ITCH: variants seen among roughly 807,000 people sequenced by gnomAD.
The protein encoded by ITCH is E3 ubiquitin-protein ligase Itchy homolog.
Under a neutral mutation model 126.8 loss-of-function variants are expected in ITCH, and 28 were observed. That is an observed-to-expected ratio of 0.22 (90% CI 0.16 to 0.30). The LOEUF (loss-of-function observed/expected upper bound fraction) is 0.30. Among genes scored for constraint, ITCH ranks in the 10% least tolerant of loss-of-function variants. The probability of loss-of-function intolerance (pLI) is 1.00; values close to 1 mark genes in which losing one functional copy is unlikely to be tolerated. For synonymous variants in ITCH, 342 were observed against 340.0 expected, an observed-to-expected ratio of 1.01 and a Z score of -0.06; for missense variants, 631 against 1,032.4, an observed-to-expected ratio of 0.61 and a Z score of 5.33.
Position 34,484,483 on chromosome 20 carries a change from A to G in ITCH, c.2093+3277A>G, listed in dbSNP as rs542979678. Among the ~76,000 whole-genome samples, 9 of 152,108 alleles carry G rather than the reference A, an allele frequency of 5.9e-5. No individual in the cohort carries two copies. In the South Asian group the frequency reaches 6.2e-4, roughly 11 times the overall value. On this transcript the variant is annotated intron_variant, in intron 20 of 24. Coordinates refer to ENST00000374864, the MANE Select transcript of ITCH (RefSeq NM_031483.7). ...GTCAATTCGTTTTTGTCAATTCTCC[A>G]GTTTTTTTGTTATGATATGTCTAGA...
chr20:34,364,483 A>G (rs1027628326), intron 1 of ITCH, among the ~76,000 whole-genome samples: 3 of 152,070 alleles, frequency 2.0e-5, no homozygotes, highest in Non-Finnish European at 4.4e-5. Context: ...AAAATCGGCT[A>G]AGGAATGGTT....
rs114929796 is a variant in ITCH at position 34,377,228 on chromosome 20, G to A, written c.-22+7758G>A. ...TGTCTACTAAAAATATAAAAAATTAGCCGGGTGTGGTGTTACACTCCTGTA... is the reference window on the plus strand; with the variant it reads ...TGTCTACTAAAAATATAAAAAATTAACCGGGTGTGGTGTTACACTCCTGTA... On this transcript the variant is annotated intron_variant, in intron 2 of 24. Transcript: ENST00000374864. 9.0e-3 allele frequency among the ~76,000 whole-genome samples: 1,376 copies of A among 152,186 alleles called. 22 individuals carry two copies. The highest frequency in any genetic ancestry group is 0.031 in the African/African-American group (1,302 of 41,506).
chr20:34,451,992 C>T lies in ITCH; in HGVS notation c.1210+2512C>T, dbSNP rs949783101. Among the ~76,000 whole-genome samples, 3 of 149,840 alleles carry T rather than the reference C, an allele frequency of 2.0e-5. No individual in the cohort carries two copies. In the South Asian group the frequency reaches 6.3e-4, roughly 31 times the overall value. ...GCTGAGGTGGGAGGATCACCTGAGC[C>T]TGGGAAGTCAAGGCTGCAAGTAGGC... On this transcript the variant is annotated intron_variant, in intron 12 of 24. Transcript: ENST00000374864.
At chr20:34,500,831 C>G (rs1990200966) in intron 23 of ITCH, among the ~76,000 whole-genome samples, 1 of 151,962 alleles carries the variant, frequency 6.6e-6, no homozygotes, top group African/African-American at 2.4e-5. Context: ...CTTAGTGTAT[C>G]TGCTCTACCA....
chr20:34,408,581 G>T, intron 3 of ITCH, 70 bp from the exon 4 acceptor site: 1 of 1,393,420 alleles, frequency 7.2e-7, no homozygotes, highest in African/African-American at 1.4e-5. Context: ...GCCTAATTAT[G>T]AAGTTAAATT....
intron 2 of ITCH, among the ~76,000 whole-genome samples, chr20:34,381,010 A>T (rs977575460): frequency 6.6e-6 from 1 of 150,484 alleles, no homozygotes; most frequent in African/African-American, 2.4e-5. Flanking sequence ...CTGGTCTTGA[A>T]CTCCTGGTCT....
intron 2 of ITCH, among the ~76,000 whole-genome samples, chr20:34,389,136 C>T (rs998102900): frequency 3.3e-5 from 5 of 151,942 alleles, no homozygotes; most frequent in Non-Finnish European, 7.4e-5. Flanking sequence ...CCCATGAGTA[C>T]TGTATTTTCA....
intron 7 of ITCH, among the ~76,000 whole-genome samples, chr20:34,426,744 C>G (rs1333614494): frequency 1.3e-5 from 2 of 151,298 alleles, no homozygotes; most frequent in Non-Finnish European, 2.9e-5. Context: ...AGCTGCCATG[C>G]CTGGCCGATA....
Position 34,462,221 on chromosome 20 carries a change from T to G in ITCH, c.1424T>G (p.Leu475Arg), listed in dbSNP as rs1229807297. 6.2e-7 allele frequency: 1 copy of G among 1,613,598 alleles called. No individual in the cohort carries two copies. Among genetic ancestry groups the G allele is most frequent in the East Asian group, 2.2e-5 (1 of 44,840 alleles). Residue 475 changes from leucine (L) to arginine (R), a missense_variant and splice_region_variant, in exon 14 of 25, where the codon CTA becomes CGA. Leu to Arg is a moderately radical substitution (Grantham distance 102). Coordinates refer to ENST00000374864, the MANE Select transcript of ITCH (RefSeq NM_031483.7). ...YIDPRTGKSA[L>R]DNGPQIAYVR... Reference sequence around the variant, plus strand: ...GATCCCCGCACAGGAAAATCTGCCCTGTAAGTTTTCTAAACATTGTAGATT... The same window carrying G: ...GATCCCCGCACAGGAAAATCTGCCCGGTAAGTTTTCTAAACATTGTAGATT...
chr20:34,385,054 G>A (rs1397748192), intron 2 of ITCH, among the ~76,000 whole-genome samples: 1 of 151,226 alleles, frequency 6.6e-6, no homozygotes, highest in Non-Finnish European at 1.5e-5. Context: ...TCACTCTGTC[G>A]CTCAGGTTGG....
intron 3 of ITCH, among the ~76,000 whole-genome samples, chr20:34,407,415 T>C (rs549219729): frequency 7.1e-4 from 108 of 151,942 alleles, no homozygotes; most frequent in Non-Finnish European, 1.4e-3. Context: ...TACAGGCGCC[T>C]GCCACCACAC....
At chr20:34,446,101 T>C (rs1255817523) in intron 11 of ITCH, among the ~76,000 whole-genome samples, 2 of 152,248 alleles carry the variant, frequency 1.3e-5, no homozygotes, top group Non-Finnish European at 2.9e-5. Flanking sequence ...CTATGCAGTC[T>C]TTGGTGCTAG....
intron 14 of ITCH, among the ~76,000 whole-genome samples, chr20:34,462,534 TA>T (rs1396002296): frequency 1.3e-5 from 2 of 152,192 alleles, no homozygotes; most frequent in East Asian, 1.9e-4. Context: ...TTTTTGACGT[TA>T]AAAAAGCTCT....
intron 2 of ITCH, among the ~76,000 whole-genome samples, chr20:34,375,517 T>G (rs2037803199): frequency 6.6e-6 from 1 of 151,806 alleles, no homozygotes; most frequent in African/African-American, 2.4e-5. Flanking sequence ...GAGGATCTCT[T>G]GAGGCCAGGA....
chr20:34,466,180 A>ATT (rs11480899), intron 14 of ITCH: 65 of 268,918 alleles, frequency 2.4e-4, no homozygotes, highest in Admixed American at 8.6e-4. Flanking sequence ...TGATCATGTG[A>ATT]TTTTTTCCCC....
intron 14 of ITCH, among the ~76,000 whole-genome samples, chr20:34,463,093 T>C (rs1048886219): frequency 8.5e-5 from 13 of 152,230 alleles, no homozygotes; most frequent in Admixed American, 3.9e-4. Context: ...CCGGGCGCAG[T>C]GGCTCATGCC....
intron 10 of ITCH, among the ~76,000 whole-genome samples, 170 bp from the exon 11 acceptor site, chr20:34,445,117 T>G (rs909980547): frequency 6.6e-6 from 1 of 152,334 alleles, no homozygotes; most frequent in South Asian, 2.1e-4. Flanking sequence ...TTATGAACTT[T>G]CAAGAAATAA....
intron 2 of ITCH, among the ~76,000 whole-genome samples, chr20:34,379,594 CT>C (rs757940621): frequency 0.02 from 2,722 of 135,502 alleles, 50 homozygotes; most frequent in African/African-American, 0.049. Flanking sequence ...AATATTTGTC[CT>C]TTTTTTTTTT....
chr20:34,452,962 A>G (rs573210236), intron 12 of ITCH, among the ~76,000 whole-genome samples: 4 of 152,358 alleles, frequency 2.6e-5, no homozygotes, highest in African/African-American at 9.6e-5. Flanking sequence ...GTATGAAGAT[A>G]TTCTCTCATT....
Sources: allele counts gnomAD v4.1 joint callset (sites outside exome capture counted in the v4.1 genomes callset), GRCh38; gene constraint gnomAD v4.1.1; transcripts MANE v1.5; gene names NCBI Gene and HGNC (gene_info 2026-07-23, HGNC 2026-07-21).